The following DENND2B variants were observed in gnomAD, a reference collection of about 807,000 sequenced individuals.
The protein encoded by DENND2B is DENN domain containing 2B.
Under a neutral mutation model 116.0 loss-of-function variants are expected in DENND2B, and 32 were observed. The ratio of observed to expected loss-of-function variants is 0.28; its 90% confidence interval spans 0.21 to 0.37. The LOEUF is 0.37. Among genes scored for constraint, DENND2B ranks in the 10% least tolerant of loss-of-function variants. The pLI, the probability that DENND2B is intolerant of heterozygous loss-of-function variation, is 1.00. For missense variants in DENND2B, 1,276 were observed against 1,477.7 expected, an observed-to-expected ratio of 0.86 and a Z score of 2.24; for synonymous variants, 588 against 583.9, an observed-to-expected ratio of 1.01 and a Z score of -0.10.
intron 4 of DENND2B, among the ~76,000 whole-genome samples, chr11:8,723,563 T>C (rs905807582): frequency 6.6e-6 from 1 of 152,168 alleles, no homozygotes; most frequent in African/African-American, 2.4e-5. Context: ...CTCTGGGATG[T>C]TAGTCTTGCA....
At chr11:8,710,086 C>T (rs943591949) in intron 11 of DENND2B, among the ~76,000 whole-genome samples, 2 of 152,168 alleles carry the variant, frequency 1.3e-5, no homozygotes, top group Admixed American at 6.5e-5. Flanking sequence ...CTCCTGCCCC[C>T]TTCATCTACC....
chr11:8,889,281 A>T (rs923606710), intron 1 of DENND2B, among the ~76,000 whole-genome samples: 2 of 152,240 alleles, frequency 1.3e-5, no homozygotes, highest in Non-Finnish European at 2.9e-5. Context: ...AGATGGCCGA[A>T]TAGGAACAGC....
At chr11:8,853,982 G>A (rs1180675506) in intron 3 of DENND2B, among the ~76,000 whole-genome samples, 1 of 142,866 alleles carries the variant, frequency 7.0e-6, no homozygotes, top group East Asian at 2.1e-4. Context: ...CTAAAGTGCT[G>A]GGATTACAGG....
chr11:8,821,243 A>G (rs2061751469), intron 4 of DENND2B, among the ~76,000 whole-genome samples: 1 of 151,924 alleles, frequency 6.6e-6, no homozygotes, highest in South Asian at 2.1e-4. Context: ...GGGTGGGAGG[A>G]AAACTTGCTT....
intron 14 of DENND2B, among the ~76,000 whole-genome samples, chr11:8,700,639 T>C (rs115411626): frequency 1.2e-3 from 182 of 152,238 alleles, no homozygotes; most frequent in African/African-American, 4.2e-3. Context: ...ACCTGACATT[T>C]AAGGTGGCTT....
chr11:8,866,883 AC>A (rs1328161633), intron 2 of DENND2B, among the ~76,000 whole-genome samples: 2 of 152,094 alleles, frequency 1.3e-5, no homozygotes, highest in Non-Finnish European at 2.9e-5. Flanking sequence ...ACCTATCAAA[AC>A]CCCATTCAGT....
At chr11:8,796,024 C>T (rs1305263639) in intron 1 of DENND2B, among the ~76,000 whole-genome samples, 4 of 152,178 alleles carry the variant, frequency 2.6e-5, no homozygotes, top group African/African-American at 9.7e-5. Flanking sequence ...CAGTGACTTA[C>T]CAAAGAAATT....
chr11:8,707,291 G>C lies in DENND2B; in HGVS notation c.2431-66C>G. ...GGCACTGCCCTTCCCCCTCCTGGCA[G>C]AGAAGAGGGCAGCCAAGCATCTGAC... On this transcript the variant is annotated intron_variant, in intron 12 of 19. Transcript: ENST00000313726. This position sits in a 1 kb window ranked among gnomAD's most constrained non-coding sequence, Gnocchi z 4.8. 2 of 1,555,984 alleles carry C rather than the reference G, an allele frequency of 1.3e-6. No homozygotes were observed. Among genetic ancestry groups the C allele is most frequent in the Non-Finnish European group, 1.7e-6 (2 of 1,148,344 alleles).
chr11:8,870,674 A>G (rs2063751440), intron 2 of DENND2B, among the ~76,000 whole-genome samples: 1 of 151,516 alleles, frequency 6.6e-6, no homozygotes, highest in Non-Finnish European at 1.5e-5. Context: ...GGCACCAGGC[A>G]GCTCTTCACC....
At chr11:8,867,573 C>CTTTTTTTTTTT (rs33990941) in intron 2 of DENND2B, among the ~76,000 whole-genome samples, 2 of 89,230 alleles carry the variant, frequency 2.2e-5, no homozygotes, top group Admixed American at 1.8e-4. Flanking sequence ...TAAAATTCAG[C>CTTTTTTTTTTT]TTTTTTTTTT....
intron 4 of DENND2B, chr11:8,718,562 C>T (rs2045536821): frequency 7.1e-7 from 1 of 1,404,334 alleles, no homozygotes; most frequent in African/African-American, 1.5e-5. Flanking sequence ...ACTGTAGTGT[C>T]TATTCCCTCT....
At chr11:8,694,726 T>C (rs999240544) in intron 19 of DENND2B, 12 of 395,748 alleles carry the variant, frequency 3.0e-5, no homozygotes, top group Non-Finnish European at 5.9e-5. Context: ...ATATATAGAC[T>C]TTTTTTTTCT....
At chr11:8,808,327 C>G (rs1292437949) in intron 1 of DENND2B, 4 of 152,264 alleles carry the variant, frequency 2.6e-5, no homozygotes, top group Non-Finnish European at 4.4e-5. Context: ...GTTTATGGTG[C>G]CACAACTCTA....
chr11:8,892,385 A>G (rs1413676037), intron 1 of DENND2B, among the ~76,000 whole-genome samples: 7 of 152,236 alleles, frequency 4.6e-5, no homozygotes, highest in Non-Finnish European at 8.8e-5. Context: ...AAGGCAAGAA[A>G]TAACTAAGAT....
intron 4 of DENND2B, among the ~76,000 whole-genome samples, chr11:8,724,495 C>A (rs976229619): frequency 6.6e-6 from 1 of 152,208 alleles, no homozygotes; most frequent in Non-Finnish European, 1.5e-5. Flanking sequence ...TACACTGACA[C>A]GCACACTTCA....
At chr11:8,847,197 A>G (rs115651417) in intron 3 of DENND2B, among the ~76,000 whole-genome samples, 4,542 of 152,296 alleles carry the variant, frequency 0.03, 222 homozygotes, top group African/African-American at 0.1. Flanking sequence ...ACACGCCCAC[A>G]TGGTACAAAC....
intron 2 of DENND2B, among the ~76,000 whole-genome samples, chr11:8,749,528 G>A (rs1593125832): frequency 6.6e-6 from 1 of 152,354 alleles, no homozygotes; most frequent in Non-Finnish European, 1.5e-5. Context: ...TGTATGTATG[G>A]TGTGGGGAAC....
upstream of DENND2B, chr11:8,810,994 C>A: frequency 3.4e-6 from 1 of 295,018 alleles, no homozygotes; most frequent in Non-Finnish European, 6.2e-6. Flanking sequence ...AGGGAGAAGA[C>A]AGTGAGTGGA....
chr11:8,720,860 GA>G (rs574240294), intron 4 of DENND2B, among the ~76,000 whole-genome samples: 71 of 152,312 alleles, frequency 4.7e-4, no homozygotes, highest in Admixed American at 1.8e-3. Context: ...GGTAGGCTGG[GA>G]AATGGTGTGC....
Sources: gnomAD v4.1 joint callset for allele counts (sites outside exome capture counted in the v4.1 genomes callset) on GRCh38, gnomAD v4.1.1 for gene constraint, Gnocchi (gnomAD v3.1) non-coding constraint, MANE v1.5 for transcripts, NCBI Gene and HGNC (gene_info 2026-07-23, HGNC 2026-07-21) for gene names.